The following AFF3 variants were observed in gnomAD, a reference collection of about 807,000 sequenced individuals.
AFF3 encodes AF4/FMR2 family member 3.
A neutral mutation model predicts 129.7 loss-of-function variants in AFF3; 32 were observed. The ratio of observed to expected loss-of-function variants is 0.25; its 90% CI spans 0.19 to 0.33. The LOEUF is 0.33. Among genes scored for constraint, AFF3 ranks in the 10% least tolerant of loss-of-function variants. The probability of loss-of-function intolerance (pLI) is 1.00; values close to 1 mark genes in which losing one functional copy is unlikely to be tolerated. For missense variants in AFF3, 1,373 were observed against 1,592.0 expected, an observed-to-expected ratio of 0.86 and a Z score of 2.34; for synonymous variants, 644 against 635.4, an observed-to-expected ratio of 1.01 and a Z score of -0.20.
chr2:99,782,381 G>T (rs79225504), intron 8 of AFF3, among the ~76,000 whole-genome samples: 1,677 of 152,278 alleles, frequency 0.011, 19 homozygotes, highest in Non-Finnish European at 0.016. Context: ...AACTCAAAAA[G>T]TACAAGGTCA....
intron 15 of AFF3, among the ~76,000 whole-genome samples, chr2:99,589,211 TAA>T (rs1678413454): frequency 6.6e-6 from 1 of 152,070 alleles, no homozygotes; most frequent in Non-Finnish European, 1.5e-5. Context: ...CCCAGATGAT[TAA>T]CTGATTGATT....
intron 7 of AFF3, among the ~76,000 whole-genome samples, chr2:99,875,147 T>C (rs939496906): frequency 2.0e-5 from 3 of 152,176 alleles, no homozygotes; most frequent in African/African-American, 7.2e-5. Flanking sequence ...GCTCCCTGCT[T>C]ATCTGTTTGG....
intron 13 of AFF3, among the ~76,000 whole-genome samples, chr2:99,624,338 G>C (rs1368910246): frequency 6.6e-6 from 1 of 152,128 alleles, no homozygotes; most frequent in Non-Finnish European, 1.5e-5. Context: ...AAATAAGCTG[G>C]AGTCCCATGT....
chr2:100,044,047 G>C (rs565634350), intron 4 of AFF3, among the ~76,000 whole-genome samples: 29 of 152,278 alleles, frequency 1.9e-4, no homozygotes, highest in Non-Finnish European at 3.5e-4. Context: ...CTAGTAATTA[G>C]AGCTCACCGC....
chr2:99,684,183 C>A (rs1446428973), intron 11 of AFF3, among the ~76,000 whole-genome samples: 1 of 152,180 alleles, frequency 6.6e-6, no homozygotes, highest in Admixed American at 6.5e-5. Context: ...CTCTCCTTCC[C>A]CAAATGTCTT....
At position 99,744,039 on chromosome 2, in the gene AFF3, C is replaced by T. The variant is rs148646971; in HGVS notation, c.1039+65G>A. On this transcript the variant is annotated intron_variant, in intron 10 of 24. Coordinates refer to ENST00000672756, the MANE Select transcript of AFF3 (RefSeq NM_001386135.1). ...GTCCAATGTGTGCTCATCCTCCCTC[C>T]CCTTCTGCCCTCTGCCCCCACCCCC... 4.0e-4 allele frequency: 553 copies of T among 1,372,008 alleles called. 5 individuals are homozygous for T. In the East Asian group the frequency reaches 0.012, roughly 31 times the overall value. The allele number at this position is 1,372,008 out of a possible 1,614,324, so 85.0% of individuals were successfully genotyped here. A position where few individuals can be genotyped will look rare whatever the true frequency, so the allele number is the denominator to read the frequency against.
chr2:100,046,481 G>A (rs982609665), intron 4 of AFF3, among the ~76,000 whole-genome samples: 4 of 152,286 alleles, frequency 2.6e-5, no homozygotes, highest in Admixed American at 6.5e-5. Flanking sequence ...ACTAGGTTTC[G>A]ACTGGCACTG....
chr2:99,593,199 C>A lies in AFF3; in HGVS notation c.2462G>T (p.Arg821Leu), dbSNP rs1405734812. Residue 821 changes from arginine (R) to leucine (L), a missense_variant, in exon 15 of 25, where the codon CGC becomes CTC. Arg to Leu is a moderately radical substitution (Grantham distance 102). Coordinates refer to ENST00000672756, the MANE Select transcript of AFF3 (RefSeq NM_001386135.1). ...EKALPKSKRK[R>L]KCDNEDDYRE... Reference sequence around the variant, plus strand: ...CCCAGTCAGCCCCAGGCCTACCTTGCGTTTCCTCTTGGATTTTGGCAAAGC... The same window carrying A: ...CCCAGTCAGCCCCAGGCCTACCTTGAGTTTCCTCTTGGATTTTGGCAAAGC... 5.1e-6 allele frequency: 8 copies of A among 1,575,028 alleles called. No individual in the cohort carries two copies. The highest frequency in any genetic ancestry group is 6.0e-6 in the Non-Finnish European group (7 of 1,158,414).
intron 17 of AFF3, 90 bp from the exon 18 acceptor site, chr2:99,578,541 G>A: frequency 6.5e-7 from 1 of 1,544,484 alleles, no homozygotes; most frequent in Non-Finnish European, 8.7e-7. Flanking sequence ...GAATATCTTT[G>A]GCTCTACAGA....
chr2:99,700,974 C>T (rs1205083336), intron 11 of AFF3, among the ~76,000 whole-genome samples: 2 of 152,296 alleles, frequency 1.3e-5, no homozygotes, highest in South Asian at 4.1e-4. Flanking sequence ...TTTCACACTT[C>T]GTAAATTCCC....
chr2:99,794,151 G>T (rs999787961), intron 8 of AFF3, among the ~76,000 whole-genome samples: 5 of 152,228 alleles, frequency 3.3e-5, no homozygotes, highest in Admixed American at 1.3e-4. Context: ...TATTGAGATT[G>T]GTTTTATACC....
chr2:100,090,685 G>A (rs1689781667), intron 4 of AFF3, among the ~76,000 whole-genome samples: 2 of 151,802 alleles, frequency 1.3e-5, no homozygotes, highest in Non-Finnish European at 2.9e-5. Flanking sequence ...ATATATATAT[G>A]TTTGTTTTTG....
At chr2:99,715,866 G>T (rs1292646288) in intron 11 of AFF3, among the ~76,000 whole-genome samples, 1 of 151,996 alleles carries the variant, frequency 6.6e-6, no homozygotes, top group Non-Finnish European at 1.5e-5. Flanking sequence ...TAGAGACAGG[G>T]TTTCACCGTG....
intron 7 of AFF3, among the ~76,000 whole-genome samples, chr2:99,986,177 G>A (rs1679844483): frequency 2.0e-5 from 3 of 149,032 alleles, no homozygotes; most frequent in African/African-American, 4.9e-5. Context: ...CTCCAGCCTG[G>A]GCGACAGAGC....
chr2:99,897,949 T>C (rs1050729526), intron 7 of AFF3, among the ~76,000 whole-genome samples: 6 of 152,190 alleles, frequency 3.9e-5, no homozygotes, highest in Admixed American at 3.3e-4. Context: ...TAATTGTGAA[T>C]TGATAAGAAG....
At chr2:99,857,279 A>G (rs1690599323) in intron 7 of AFF3, among the ~76,000 whole-genome samples, 1 of 152,254 alleles carries the variant, frequency 6.6e-6, no homozygotes, top group Admixed American at 6.5e-5. Context: ...AGAGAGAATC[A>G]GAACATAATC....
intron 2 of AFF3, among the ~76,000 whole-genome samples, chr2:100,125,636 A>C (rs1692151912): frequency 6.6e-6 from 1 of 152,132 alleles, no homozygotes; most frequent in South Asian, 2.1e-4. Context: ...TGGTTAAAAA[A>C]AAAATCTGTA....
intron 19 of AFF3, among the ~76,000 whole-genome samples, chr2:99,567,319 C>A (rs993945643): frequency 2.6e-5 from 4 of 152,060 alleles, no homozygotes; most frequent in African/African-American, 9.7e-5. Flanking sequence ...CAGATGAAGT[C>A]ATTTCATTTA....
At chr2:99,553,323 C>T (rs2104477651) in intron 24 of AFF3, among the ~76,000 whole-genome samples, 1 of 152,282 alleles carries the variant, frequency 6.6e-6, no homozygotes, top group Non-Finnish European at 1.5e-5. Flanking sequence ...ATGTTATGTA[C>T]TATGTGGTTT....
Sources: gnomAD v4.1 joint callset for allele counts (sites outside exome capture counted in the v4.1 genomes callset) on GRCh38, gnomAD v4.1.1 for gene constraint, MANE v1.5 for transcripts, NCBI Gene and HGNC (gene_info 2026-07-23, HGNC 2026-07-21) for gene names.